The following HDAC9 variants were observed in gnomAD, a reference collection of about 807,000 sequenced individuals.
HDAC9 encodes MEF-2 interacting transcription repressor (MITR) protein.
HDAC9 carries 41 observed loss-of-function variants against 139.4 expected under a neutral mutation model. That is an observed-to-expected ratio of 0.29 (90% CI 0.23 to 0.38). HDAC9 has a LOEUF of 0.38. HDAC9 is among the 10% of genes least tolerant of loss of function. The pLI is 1.00. For missense variants in HDAC9, 1,147 were observed against 1,297.0 expected, an observed-to-expected ratio of 0.88 and a Z score of 1.78; for synonymous variants, 517 against 476.2, an observed-to-expected ratio of 1.09 and a Z score of -1.12.
chr7:18,930,360 T>C (rs1456976722), intron 22 of HDAC9, among the ~76,000 whole-genome samples: 1 of 152,182 alleles, frequency 6.6e-6, no homozygotes, highest in Non-Finnish European at 1.5e-5. Context: ...TAGGATGAGC[T>C]TTTGTGTCTT....
rs564953063 is a variant in HDAC9 at position 18,901,126 on chromosome 7, C to T, written c.2803+26530C>T. Among the ~76,000 whole-genome samples, 4 of 151,092 alleles carry T rather than the reference C, an allele frequency of 2.6e-5. No homozygotes were observed. The East Asian group carries it at 7.8e-4, about 29-fold the overall frequency. The stretch of plus-strand genomic sequence containing the variant: ...TCTAATAATATACTACAGAGATTCC[C>T]AAAAAGATACTTTATTCCCAAGGCT... On this transcript the variant is annotated intron_variant, in intron 22 of 25. Coordinates refer to ENST00000686413, the MANE Select transcript of HDAC9 (RefSeq NM_178425.4).
intron 1 of HDAC9, among the ~76,000 whole-genome samples, chr7:18,476,052 T>A (rs1339327059): frequency 6.6e-6 from 1 of 152,216 alleles, no homozygotes; most frequent in African/African-American, 2.4e-5. Context: ...TTGGTCTCCA[T>A]TAGGGATGAC....
chr7:18,914,331 C>T (rs1803001951), intron 22 of HDAC9, among the ~76,000 whole-genome samples: 1 of 151,700 alleles, frequency 6.6e-6, no homozygotes, highest in Non-Finnish European at 1.5e-5. Context: ...CAGACGAAGG[C>T]ATTCCACCCG....
At position 18,761,700 on chromosome 7, in the gene HDAC9, C is replaced by A. The variant is rs112508089; in HGVS notation, c.2044-457C>A. 8.6e-5 allele frequency among the ~76,000 whole-genome samples: 13 copies of A among 152,046 alleles called. No homozygotes were observed. The East Asian group carries it at 1.5e-3, about 18-fold the overall frequency. ...AGGTGCACACATGGGAAGTCATTAG[C>A]GTATCTGTGATCATCAAGTTCATTA... On this transcript the variant is annotated intron_variant, in intron 14 of 25. Coordinates refer to ENST00000686413, the MANE Select transcript of HDAC9 (RefSeq NM_178425.4).
chr7:18,515,438 C>T (rs1250854790), intron 2 of HDAC9, among the ~76,000 whole-genome samples: 3 of 152,256 alleles, frequency 2.0e-5, no homozygotes, highest in Middle Eastern at 3.4e-3. Flanking sequence ...TTTCTAACTC[C>T]TACAGCGTTA....
intron 12 of HDAC9, among the ~76,000 whole-genome samples, chr7:18,700,325 A>C (rs1304193853): frequency 2.0e-5 from 3 of 152,202 alleles, no homozygotes; most frequent in Non-Finnish European, 4.4e-5. Flanking sequence ...TATCGTCTTA[A>C]CTTGACCAAC....
At chr7:18,976,890 C>T (rs529095178) in intron 25 of HDAC9, among the ~76,000 whole-genome samples, 1 of 152,164 alleles carries the variant, frequency 6.6e-6, no homozygotes, top group Non-Finnish European at 1.5e-5. Flanking sequence ...AATAACATCA[C>T]CATTAATTAC....
chr7:18,688,749 A>C (rs1280453746), intron 12 of HDAC9, among the ~76,000 whole-genome samples: 1 of 151,888 alleles, frequency 6.6e-6, no homozygotes, highest in Non-Finnish European at 1.5e-5. Context: ...AAATGTCTTT[A>C]AGTTTATCTT....
At chr7:18,767,916 G>A (rs1298439391) in intron 16 of HDAC9, among the ~76,000 whole-genome samples, 1 of 152,094 alleles carries the variant, frequency 6.6e-6, no homozygotes, top group Non-Finnish European at 1.5e-5. Flanking sequence ...GATCTTGAAG[G>A]GAAAGAACAA....
intron 2 of HDAC9, among the ~76,000 whole-genome samples, chr7:18,274,514 A>G (rs1796588165): frequency 6.6e-6 from 1 of 152,218 alleles, no homozygotes; most frequent in South Asian, 2.1e-4. Flanking sequence ...ATCCACCCCT[A>G]TGGCCTAAAC....
chr7:18,644,835 T>C (rs1786858997), intron 9 of HDAC9, 42 bp downstream of exon 9: 1 of 1,564,522 alleles, frequency 6.4e-7, no homozygotes, highest in Non-Finnish European at 8.7e-7. Flanking sequence ...ACCTAAGCAA[T>C]ATCTTTTCAC....
chr7:18,973,585 G>T (rs1431947587), intron 24 of HDAC9, among the ~76,000 whole-genome samples: 4 of 152,026 alleles, frequency 2.6e-5, no homozygotes, highest in African/African-American at 7.3e-5. Context: ...CTGTTCCTTC[G>T]TGAAACAGTA....
chr7:18,391,436 A>G (rs10226968), intron 1 of HDAC9, among the ~76,000 whole-genome samples: 5,133 of 152,156 alleles, frequency 0.034, 308 homozygotes, highest in African/African-American at 0.12. Flanking sequence ...TGTGTCCTAC[A>G]TCCTTTTCTT....
chr7:18,999,952 C>T lies in HDAC9; in HGVS notation c.*3890C>T, dbSNP rs1393875980. On this transcript the variant is annotated 3_prime_UTR_variant, in exon 26 of 26. Transcript: ENST00000686413. Reference sequence around the variant, plus strand: ...CTGTCAGTGTTTGACATTGTCATTTCTAGTGGCATGTATCTTAACATTCTT... The same window carrying T: ...CTGTCAGTGTTTGACATTGTCATTTTTAGTGGCATGTATCTTAACATTCTT... 6.6e-6 allele frequency: 1 copy of T among 152,170 alleles called. No individual in the cohort carries two copies. The highest frequency in any genetic ancestry group is 1.5e-5 in the Non-Finnish European group (1 of 68,036). The allele number at this position is 152,170 out of a possible 1,614,324, so 9.4% of individuals were successfully genotyped here.
intron 1 of HDAC9, among the ~76,000 whole-genome samples, chr7:18,390,917 T>C (rs1436542422): frequency 6.6e-6 from 1 of 152,118 alleles, no homozygotes; most frequent in African/African-American, 2.4e-5. Flanking sequence ...GATGAGATCC[T>C]GTCTCTACTA....
At chr7:18,851,191 C>T (rs1237528531) in intron 21 of HDAC9, among the ~76,000 whole-genome samples, 1 of 152,182 alleles carries the variant, frequency 6.6e-6, no homozygotes, top group Admixed American at 6.6e-5. Flanking sequence ...ATTCGCTCTA[C>T]TTTCTTGGGT....
chr7:18,704,611 G>C (rs1783744211), intron 12 of HDAC9, among the ~76,000 whole-genome samples: 1 of 152,122 alleles, frequency 6.6e-6, no homozygotes, highest in South Asian at 2.1e-4. Context: ...ACTTCAAAAT[G>C]GGGACAAACA....
chr7:18,122,956 T>C (rs1286871070), intron 1 of HDAC9, among the ~76,000 whole-genome samples: 3 of 152,218 alleles, frequency 2.0e-5, no homozygotes, highest in Non-Finnish European at 4.4e-5. Flanking sequence ...GGTTTTTTTC[T>C]TTATTTGAGG....
intron 12 of HDAC9, among the ~76,000 whole-genome samples, chr7:18,688,639 A>G (rs571964874): frequency 2.0e-5 from 3 of 151,784 alleles, no homozygotes; most frequent in Admixed American, 6.6e-5. Context: ...CCAATACACA[A>G]TTACCCACCC....
Sources: gnomAD v4.1 joint callset for allele counts (sites outside exome capture counted in the v4.1 genomes callset) on GRCh38, gnomAD v4.1.1 for gene constraint, MANE v1.5 for transcripts, NCBI Gene and HGNC (gene_info 2026-07-23, HGNC 2026-07-21) for gene names.